Variants in HS3ST4 observed in about 807,000 individuals in gnomAD.
HS3ST4 encodes the protein heparan sulfate-glucosamine 3-sulfotransferase 4, also known as heparan sulfate glucosamine 3-O-sulfotransferase 4.
Under a neutral mutation model 29.2 loss-of-function variants are expected in HS3ST4, and 17 were observed. That is an observed-to-expected ratio of 0.58 (90% CI 0.40 to 0.87). The LOEUF (loss-of-function observed/expected upper bound fraction) is 0.87. Among genes scored for constraint, HS3ST4 ranks in the 40% least tolerant of loss-of-function variants. The pLI is 0.00. For synonymous variants in HS3ST4, 314 were observed against 285.7 expected, an observed-to-expected ratio of 1.10 and a Z score of -1.00; for missense variants, 627 against 634.5, an observed-to-expected ratio of 0.99 and a Z score of 0.13.
intron 1 of HS3ST4, among the ~76,000 whole-genome samples, chr16:25,893,378 T>C (rs1013637554): frequency 6.6e-6 from 1 of 152,238 alleles, no homozygotes; most frequent in Non-Finnish European, 1.5e-5. Context: ...GCTGACATGC[T>C]TCCCAGTTAG....
At chr16:26,103,026 G>A (rs1899006552) in intron 1 of HS3ST4, among the ~76,000 whole-genome samples, 2 of 152,124 alleles carry the variant, frequency 1.3e-5, no homozygotes, top group African/African-American at 4.8e-5. Flanking sequence ...GGCTAGCCTA[G>A]GAATGAACAT....
At chr16:25,720,699 T>C (rs571299032) in intron 1 of HS3ST4, among the ~76,000 whole-genome samples, 1 of 152,350 alleles carries the variant, frequency 6.6e-6, no homozygotes, top group Admixed American at 6.5e-5. Flanking sequence ...GTTTGGAATA[T>C]ATTTGGAAGA....
intron 1 of HS3ST4, among the ~76,000 whole-genome samples, chr16:26,050,040 C>G (rs1400045662): frequency 6.6e-6 from 1 of 152,128 alleles, no homozygotes; most frequent in Non-Finnish European, 1.5e-5. Flanking sequence ...ATTATGTAGG[C>G]ATAATTGATT....
chr16:25,694,967 C>G (rs1284383542), intron 1 of HS3ST4, among the ~76,000 whole-genome samples: 1 of 152,084 alleles, frequency 6.6e-6, no homozygotes, highest in East Asian at 1.9e-4. Context: ...ATCAGGAAGT[C>G]TTATCACTGG....
At chr16:25,813,835 G>A (rs1246992683) in intron 1 of HS3ST4, among the ~76,000 whole-genome samples, 2 of 152,158 alleles carry the variant, frequency 1.3e-5, no homozygotes, top group Admixed American at 6.5e-5. Context: ...CAACCCAAAT[G>A]TCCATTATCG....
At chr16:25,774,676 T>TAGGAAGTGCCAAGTGTGCGTGGCATA (rs1381807424) in intron 1 of HS3ST4, among the ~76,000 whole-genome samples, 84 of 152,338 alleles carry the variant, frequency 5.5e-4, no homozygotes, top group Non-Finnish European at 1.1e-3. Context: ...ATGCAATGTG[T>TAGGAAGTGCCAAGTGTGCGTGGCATA]AGGAAGTGCC....
At chr16:25,759,602 G>A (rs1226718158) in intron 1 of HS3ST4, among the ~76,000 whole-genome samples, 1 of 152,168 alleles carries the variant, frequency 6.6e-6, no homozygotes, top group African/African-American at 2.4e-5. Flanking sequence ...TTCCGTGTTA[G>A]AAGAGAGGAG....
At chr16:25,976,201 A>G (rs1297828104) in intron 1 of HS3ST4, among the ~76,000 whole-genome samples, 1 of 152,148 alleles carries the variant, frequency 6.6e-6, no homozygotes, top group Non-Finnish European at 1.5e-5. Flanking sequence ...TTTAATTTGA[A>G]TTTCTTTTAT....
At chr16:25,748,402 T>A (rs540858637) in intron 1 of HS3ST4, among the ~76,000 whole-genome samples, 4 of 152,292 alleles carry the variant, frequency 2.6e-5, no homozygotes, top group African/African-American at 7.2e-5. Flanking sequence ...CCTGGGAAAG[T>A]GTAGTGGCAG....
At chr16:25,843,562 G>A (rs892868576) in intron 1 of HS3ST4, among the ~76,000 whole-genome samples, 1 of 152,164 alleles carries the variant, frequency 6.6e-6, no homozygotes, top group African/African-American at 2.4e-5. Context: ...TGAATACCAG[G>A]AGGCATGGTT....
At chr16:25,744,171 A>G (rs942082318) in intron 1 of HS3ST4, among the ~76,000 whole-genome samples, 12 of 152,358 alleles carry the variant, frequency 7.9e-5, no homozygotes, top group South Asian at 4.1e-4. Flanking sequence ...GTAACCTGAC[A>G]ATGAATTAGC....
chr16:25,917,165 C>T (rs985584267), intron 1 of HS3ST4, among the ~76,000 whole-genome samples: 1 of 152,158 alleles, frequency 6.6e-6, no homozygotes, highest in Non-Finnish European at 1.5e-5. Flanking sequence ...CTAGCACATA[C>T]TAGGGGCTTA....
intron 1 of HS3ST4, among the ~76,000 whole-genome samples, chr16:25,765,738 C>T (rs551832223): frequency 6.6e-6 from 1 of 152,314 alleles, no homozygotes; most frequent in South Asian, 2.1e-4. Context: ...GAGCCCCCTA[C>T]AACAAACCTC....
intron 1 of HS3ST4, among the ~76,000 whole-genome samples, chr16:25,810,097 A>T (rs1249485613): frequency 6.6e-6 from 1 of 152,122 alleles, no homozygotes; most frequent in East Asian, 1.9e-4. Context: ...CTAAAGTAAG[A>T]ATTTAGTGCT....
intron 1 of HS3ST4, among the ~76,000 whole-genome samples, chr16:25,706,558 G>C (rs1324477896): frequency 6.6e-6 from 1 of 151,998 alleles, no homozygotes; most frequent in Non-Finnish European, 1.5e-5. Context: ...ACAGGCCCTG[G>C]TGTGTGATGT....
intron 1 of HS3ST4, among the ~76,000 whole-genome samples, chr16:25,863,108 A>G (rs554440430): frequency 3.6e-4 from 54 of 151,792 alleles, no homozygotes; most frequent in African/African-American, 1.3e-3. Context: ...CCTCTAACCT[A>G]TTTTCTAATT....
At chr16:26,063,779 T>G (rs978265921) in intron 1 of HS3ST4, among the ~76,000 whole-genome samples, 20 of 152,308 alleles carry the variant, frequency 1.3e-4, no homozygotes, top group Middle Eastern at 3.4e-3. Flanking sequence ...TTAAAGGGCA[T>G]CTGATACAAC....
chr16:26,063,500 G>A (rs1898505137), intron 1 of HS3ST4, among the ~76,000 whole-genome samples: 1 of 149,772 alleles, frequency 6.7e-6, no homozygotes, highest in Non-Finnish European at 1.5e-5. Context: ...CACATAGTGA[G>A]ACCTTGTCTC....
chr16:25,738,068 C>T (rs1966623082), intron 1 of HS3ST4, among the ~76,000 whole-genome samples: 1 of 152,120 alleles, frequency 6.6e-6, no homozygotes, highest in Admixed American at 6.5e-5. Flanking sequence ...CCACGCCCAG[C>T]TAGTATTTTG....
Sources: allele counts gnomAD v4.1 joint callset (sites outside exome capture counted in the v4.1 genomes callset), GRCh38; gene constraint gnomAD v4.1.1; transcripts MANE v1.5; gene names NCBI Gene and HGNC (gene_info 2026-07-23, HGNC 2026-07-21).